Variants in FHL2 observed in about 807,000 individuals in gnomAD.
FHL2 encodes the protein four and a half LIM domains protein 2.
Under a neutral mutation model 32.7 loss-of-function variants are expected in FHL2, and 20 were observed. The ratio of observed to expected loss-of-function variants is 0.61; its 90% CI spans 0.43 to 0.89. The LOEUF is 0.89. FHL2 is among the 40% of genes least tolerant of loss of function. The probability of loss-of-function intolerance (pLI) is 0.00; values close to 1 mark genes in which losing one functional copy is unlikely to be tolerated. For missense variants in FHL2, 311 were observed against 358.6 expected, an observed-to-expected ratio of 0.87 and a Z score of 1.07; for synonymous variants, 123 against 128.1, an observed-to-expected ratio of 0.96 and a Z score of 0.27.
chr2:105,393,508 A>G (rs1403095279), intron 2 of FHL2, among the ~76,000 whole-genome samples: 1 of 152,214 alleles, frequency 6.6e-6, no homozygotes, highest in African/African-American at 2.4e-5. Context: ...ATAAAAGTGC[A>G]GTGTTTTCAT....
intron 2 of FHL2, among the ~76,000 whole-genome samples, chr2:105,395,054 G>C (rs1379136336): frequency 6.6e-6 from 1 of 152,258 alleles, no homozygotes; most frequent in Non-Finnish European, 1.5e-5. Flanking sequence ...CGACAAGAAT[G>C]TGTTGAGTAA....
At chr2:105,429,835 G>C (rs966396460) in intron 1 of FHL2, among the ~76,000 whole-genome samples, 1 of 152,164 alleles carries the variant, frequency 6.6e-6, no homozygotes, top group African/African-American at 2.4e-5. Context: ...CTGTGAAGAC[G>C]GGACAGTGCA....
chr2:105,424,455 G>A (rs1028434409), intron 1 of FHL2, among the ~76,000 whole-genome samples: 18 of 152,204 alleles, frequency 1.2e-4, no homozygotes, highest in Non-Finnish European at 2.4e-4. Context: ...CAACCATTGT[G>A]GAAGACAGTG....
rs192130217 is a variant in FHL2 at position 105,427,924 on chromosome 2, T to C, written c.-25+10475A>G. Among the ~76,000 whole-genome samples the C allele has an allele frequency of 1.2e-3, 186 of 152,296 alleles. 1 individual carries two copies. Among genetic ancestry groups the C allele is most frequent in the African/African-American group, 4.3e-3 (177 of 41,570 alleles). On this transcript the variant is annotated intron_variant, in intron 1 of 5. Transcript: ENST00000393352. ...CCATAAATTCAATAGTCACTCTAAG[T>C]ATGAATAACTGAGGAAAGTATGTCT...
intron 2 of FHL2, among the ~76,000 whole-genome samples, chr2:105,396,042 T>G (rs1683104077): frequency 6.6e-6 from 1 of 152,108 alleles, no homozygotes; most frequent in African/African-American, 2.4e-5. Flanking sequence ...AGCAAAGTAG[T>G]GATCAAATCT....
chr2:105,363,597 A>G, intron 5 of FHL2, 126 bp from the exon 6 acceptor site: 1 of 876,486 alleles, frequency 1.1e-6, no homozygotes, highest in Non-Finnish European at 1.7e-6. Context: ...GTCACCAAGA[A>G]GCTGCTTTAC....
chr2:105,397,884 T>G (rs1683249865), intron 1 of FHL2, among the ~76,000 whole-genome samples: 1 of 79,552 alleles, frequency 1.3e-5, no homozygotes, highest in Non-Finnish European at 2.7e-5. Context: ...TTTTTTTGTT[T>G]TTTGTTTTTT....
chr2:105,401,581 C>T (rs1683469211), upstream of FHL2, among the ~76,000 whole-genome samples: 2 of 152,142 alleles, frequency 1.3e-5, no homozygotes, highest in African/African-American at 4.8e-5. Context: ...ACGATAGACA[C>T]ACAAGAGTAG....
Position 105,385,195 on chromosome 2 carries a change from C to T in FHL2, c.156+1166G>A, listed in dbSNP as rs181214035. The stretch of plus-strand genomic sequence containing the variant: ...TAGGGGGCTGGTGCTGTACCTCTTT[C>T]GTCTCTGCTCAAGGCAGAGGTCTCT... On this transcript the variant is annotated intron_variant, in intron 3 of 6. Transcript: ENST00000530340. 5.0e-3 allele frequency among the ~76,000 whole-genome samples: 754 copies of T among 152,300 alleles called. 8 individuals are homozygous for T. The highest frequency in any genetic ancestry group is 0.017 in the African/African-American group (707 of 41,560).
chr2:105,419,080 A>G (rs188789574), intron 1 of FHL2, among the ~76,000 whole-genome samples: 13 of 152,376 alleles, frequency 8.5e-5, no homozygotes, highest in African/African-American at 2.9e-4. Flanking sequence ...TCCACAAAGT[A>G]GGCTTTCCTA....
chr2:105,420,059 C>T (rs906540101), intron 1 of FHL2, among the ~76,000 whole-genome samples: 1 of 152,126 alleles, frequency 6.6e-6, no homozygotes, highest in Non-Finnish European at 1.5e-5. Flanking sequence ...CACCCAATGC[C>T]CCATTGTGTT....
At position 105,386,480 on chromosome 2, in the gene FHL2, A is replaced by T. The variant is rs747719276; in HGVS notation, c.37T>A (p.Ser13Thr). 1 of 1,614,192 alleles carries T rather than the reference A, an allele frequency of 6.2e-7. No homozygotes were observed. The highest frequency in any genetic ancestry group is 2.2e-5 in the East Asian group (1 of 44,874). ...ERFDCHHCNE[S>T]LFGKKYILRE... is the part of the protein sequence containing the mutation. The stretch of plus-strand genomic sequence containing the variant: ...AGGATGTACTTCTTGCCAAAGAGAG[A>T]TTCGTTGCAATGGTGGCAGTCAAAG... Residue 13 changes from serine to threonine, a missense_variant, in exon 3 of 7, where the codon TCT becomes ACT. Ser to Thr is a moderately conservative substitution (Grantham distance 58). Coordinates refer to ENST00000530340, the MANE Select transcript of FHL2 (RefSeq NM_001318895.3).
chr2:105,399,486 A>T (rs1416993653), upstream of FHL2: 2 of 1,536,154 alleles, frequency 1.3e-6, no homozygotes, highest in African/African-American at 1.4e-5. Context: ...TGCAAGGTGG[A>T]CGTTTTTCCT....
chr2:105,431,248 G>A (rs1046761674), intron 1 of FHL2, among the ~76,000 whole-genome samples: 2 of 152,146 alleles, frequency 1.3e-5, no homozygotes, highest in Non-Finnish European at 2.9e-5. Context: ...CACTGCTGTA[G>A]GTATTGGGCA....
chr2:105,409,536 C>A (rs1313315483), intron 1 of FHL2, among the ~76,000 whole-genome samples: 1 of 152,180 alleles, frequency 6.6e-6, no homozygotes, highest in Non-Finnish European at 1.5e-5. Flanking sequence ...GCCATAAAGG[C>A]ATTAACATAA....
At chr2:105,409,922 G>A (rs1374929387) in intron 1 of FHL2, among the ~76,000 whole-genome samples, 1 of 152,224 alleles carries the variant, frequency 6.6e-6, no homozygotes, top group Non-Finnish European at 1.5e-5. Context: ...TCCCACACGA[G>A]GGCCAGTGCC....
intron 1 of FHL2, among the ~76,000 whole-genome samples, chr2:105,413,226 A>G (rs1203040999): frequency 1.3e-5 from 2 of 152,156 alleles, no homozygotes; most frequent in Non-Finnish European, 2.9e-5. Flanking sequence ...GTCAAAACAG[A>G]AAGGCAAAGC....
At chr2:105,397,262 C>T (rs79136429) in intron 1 of FHL2, among the ~76,000 whole-genome samples, 1,827 of 152,236 alleles carry the variant, frequency 0.012, 45 homozygotes, top group African/African-American at 0.043. Context: ...CTACCATTTA[C>T]AGCCCGGGAA....
intron 1 of FHL2, among the ~76,000 whole-genome samples, chr2:105,409,360 G>A (rs1459871054): frequency 6.6e-6 from 1 of 152,192 alleles, no homozygotes; most frequent in Non-Finnish European, 1.5e-5. Flanking sequence ...GGAAGAAGCT[G>A]AAGTTGCCCC....
Sources: gnomAD v4.1 joint callset for allele counts (sites outside exome capture counted in the v4.1 genomes callset) on GRCh38, gnomAD v4.1.1 for gene constraint, MANE v1.5 for transcripts, NCBI Gene and HGNC (gene_info 2026-07-23, HGNC 2026-07-21) for gene names.